Variants in SCAPER observed in about 807,000 individuals in gnomAD.
SCAPER encodes S phase cyclin A-associated protein in the endoplasmic reticulum.
Under a neutral mutation model 182.2 loss-of-function variants are expected in SCAPER, and 98 were observed. That is an observed-to-expected ratio of 0.54 (90% CI 0.46 to 0.64). SCAPER has a LOEUF of 0.64. Among genes scored for constraint, SCAPER ranks in the 30% least tolerant of loss-of-function variants. The pLI is 0.00. For synonymous variants in SCAPER, 605 were observed against 564.6 expected, an observed-to-expected ratio of 1.07 and a Z score of -1.01; for missense variants, 1,432 against 1,690.0, an observed-to-expected ratio of 0.85 and a Z score of 2.68.
At chr15:76,754,381 G>A (rs2062283169) in intron 14 of SCAPER, among the ~76,000 whole-genome samples, 1 of 151,892 alleles carries the variant, frequency 6.6e-6, no homozygotes, top group Non-Finnish European at 1.5e-5. Context: ...TCTCTATGAT[G>A]TAACCCACAT....
At chr15:76,480,034 C>T (rs976422177) in intron 24 of SCAPER, among the ~76,000 whole-genome samples, 1 of 152,068 alleles carries the variant, frequency 6.6e-6, no homozygotes, top group Admixed American at 6.5e-5. Context: ...TAGCCTGATA[C>T]GGATAAATGT....
intron 5 of SCAPER, among the ~76,000 whole-genome samples, chr15:76,819,913 C>T (rs1452103073): frequency 2.0e-5 from 3 of 152,164 alleles, no homozygotes; most frequent in African/African-American, 7.2e-5. Context: ...ACAACCCCAT[C>T]AAAAAGTGGG....
intron 29 of SCAPER, among the ~76,000 whole-genome samples, chr15:76,367,126 A>G (rs1241695693): frequency 6.6e-6 from 1 of 152,220 alleles, no homozygotes; most frequent in East Asian, 1.9e-4. Context: ...AGGCTTCTTC[A>G]GAGCACCCAG....
At chr15:76,432,864 G>A (rs552220202) in intron 26 of SCAPER, among the ~76,000 whole-genome samples, 113 of 152,214 alleles carry the variant, frequency 7.4e-4, no homozygotes, top group African/African-American at 2.5e-3. Flanking sequence ...CATAACCTTG[G>A]GCTAAGTACT....
In SCAPER at chr15:76,376,272, GC is replaced by G; in HGVS notation, c.3744del (p.His1249ThrfsTer38). 1 of 1,613,868 alleles carries G rather than the reference GC, an allele frequency of 6.2e-7. No individual in the cohort carries two copies. Among genetic ancestry groups the G allele is most frequent in the Non-Finnish European group, 8.5e-7 (1 of 1,179,800 alleles). Reference protein sequence around the residue: ...VGAEGLSLAFRHMASSLLGHC... With the variant: ...VGAEGLSLAFXHMASSLLGHC... ...TGGCCCAGCAGGGAGCTGGCCATGTGCCGGAATGCAAGGGACAAGCCCTCTG... is the reference window on the plus strand; with the variant it reads ...TGGCCCAGCAGGGAGCTGGCCATGTGCGGAATGCAAGGGACAAGCCCTCTG... On this transcript the variant is annotated frameshift_variant, in exon 29 of 32. Transcript: ENST00000563290. LOFTEE classifies it high-confidence loss of function.
At chr15:76,493,128 C>A (rs2052492259) in intron 24 of SCAPER, among the ~76,000 whole-genome samples, 1 of 152,126 alleles carries the variant, frequency 6.6e-6, no homozygotes, top group African/African-American at 2.4e-5. Context: ...GCTAATAATA[C>A]TTTCTGACAA....
chr15:76,763,062 T>G (rs2062889964), intron 14 of SCAPER, among the ~76,000 whole-genome samples: 1 of 152,190 alleles, frequency 6.6e-6, no homozygotes, highest in Non-Finnish European at 1.5e-5. Flanking sequence ...TTTACATACT[T>G]TCCTTCATAC....
chr15:76,787,221 A>G (rs1297950882), intron 8 of SCAPER, among the ~76,000 whole-genome samples: 1 of 152,214 alleles, frequency 6.6e-6, no homozygotes, highest in East Asian at 1.9e-4. Context: ...CACTCTACCC[A>G]ATATTAAGGC....
At chr15:76,776,278 C>T (rs535227273) in intron 8 of SCAPER, among the ~76,000 whole-genome samples, 128 of 152,226 alleles carry the variant, frequency 8.4e-4, no homozygotes, top group African/African-American at 3.0e-3. Context: ...CCTAACAAAA[C>T]AGAAAATCTC....
chr15:76,374,114 G>A (rs1390372693), intron 29 of SCAPER, among the ~76,000 whole-genome samples: 1 of 151,990 alleles, frequency 6.6e-6, no homozygotes, highest in East Asian at 1.9e-4. Flanking sequence ...AGAAAGCTGG[G>A]GGCAGTGGCT....
At chr15:76,767,484 T>C (rs891899490) in intron 10 of SCAPER, among the ~76,000 whole-genome samples, 3 of 152,190 alleles carry the variant, frequency 2.0e-5, no homozygotes, top group Non-Finnish European at 4.4e-5. Flanking sequence ...ATGGAAAGAA[T>C]ATATGCTGTA....
chr15:76,560,744 G>A (rs933805254), intron 23 of SCAPER, among the ~76,000 whole-genome samples: 8 of 152,230 alleles, frequency 5.3e-5, no homozygotes, highest in Non-Finnish European at 7.4e-5. Context: ...ATCCATTTAC[G>A]ACTTTGTAGT....
rs762694566 is a variant in SCAPER, at chr15:76,353,935, A to T, written c.4047+14T>A. 3 of 1,524,160 alleles carry T rather than the reference A, an allele frequency of 2.0e-6. No homozygotes were observed. Among genetic ancestry groups the T allele is most frequent in the African/African-American group, 2.9e-5 (2 of 69,632 alleles). 94.4% of individuals were successfully genotyped at this position (1,524,160 alleles called of 1,614,324 possible). On this transcript the variant is annotated intron_variant, in intron 30 of 31. Transcript: ENST00000563290. ...CACACAAAGCTAGACAATTACGTAT[A>T]ATGTAGAAGGTACCTGAATGAAAGT...
rs780277970 is a variant in SCAPER at position 76,767,108 on chromosome 15, TAAAC to T, written c.1249-24_1249-21del. On this transcript the variant is annotated intron_variant, in intron 10 of 31. Transcript: ENST00000563290. Reference sequence around the variant, plus strand: ...CATGGACTATAAAGTTAAAAACACATAAACAAAAAGAAAAATGATCACTTGACTG... The same window carrying T: ...CATGGACTATAAAGTTAAAAACACATAAAAAGAAAAATGATCACTTGACTG... 3.9e-6 allele frequency: 6 copies of T among 1,542,994 alleles called. No homozygotes were observed. The African/African-American group carries it at 4.2e-5, about 11-fold the overall frequency.
In SCAPER at chr15:76,771,811, T is replaced by A; in HGVS notation, c.1179A>T (p.Val393=). The change falls in exon 10 of 32, where the codon GTA becomes GTT. Residue 393 remains valine (V), a synonymous_variant. Transcript: ENST00000563290. The stretch of plus-strand genomic sequence containing the variant: ...TCTCTGCTGGAAATTTTTCTTCATT[T>A]ACTTGTAAAGGAGGTGTACCAGCTT... The part of the protein sequence containing the change: ...MLQAGTPPLQ[V]NEEKFPAEKA... 6.2e-7 allele frequency: 1 copy of A among 1,613,264 alleles called. No individual in the cohort carries two copies. The highest frequency in any genetic ancestry group is 8.5e-7 in the Non-Finnish European group (1 of 1,179,436).
At chr15:76,385,015 T>C (rs566011992) in intron 27 of SCAPER, among the ~76,000 whole-genome samples, 1 of 152,358 alleles carries the variant, frequency 6.6e-6, no homozygotes, top group Non-Finnish European at 1.5e-5. Flanking sequence ...CTGAGATATT[T>C]GTAATTTTAC....
chr15:76,659,936 T>C (rs559373384), intron 21 of SCAPER, among the ~76,000 whole-genome samples: 8 of 152,212 alleles, frequency 5.3e-5, no homozygotes, highest in African/African-American at 1.7e-4. Context: ...TAAAGACACA[T>C]GTATGTCTGT....
intron 25 of SCAPER, among the ~76,000 whole-genome samples, chr15:76,437,732 T>A (rs1343118855): frequency 6.6e-6 from 1 of 152,202 alleles, no homozygotes; most frequent in Non-Finnish European, 1.5e-5. Context: ...AGTTTTTTTA[T>A]CCAGTAACTG....
At chr15:76,376,000 C>A (rs2042540549) in intron 29 of SCAPER, among the ~76,000 whole-genome samples, 162 bp downstream of exon 29, 1 of 152,166 alleles carries the variant, frequency 6.6e-6, no homozygotes, top group Non-Finnish European at 1.5e-5. Flanking sequence ...GAAAAAAAAT[C>A]TATTTGAAGA....
Sources: allele counts gnomAD v4.1 joint callset (sites outside exome capture counted in the v4.1 genomes callset), GRCh38; gene constraint gnomAD v4.1.1; transcripts MANE v1.5; gene names NCBI Gene and HGNC (gene_info 2026-07-23, HGNC 2026-07-21).